PIAS2: variants seen among roughly 807,000 people sequenced by gnomAD.
PIAS2 encodes protein inhibitor of activated STAT 2.
Under a neutral mutation model 69.7 loss-of-function variants are expected in PIAS2, and 19 were observed. The ratio of observed to expected loss-of-function variants is 0.27; its 90% CI spans 0.19 to 0.40. The LOEUF is 0.40. Among genes scored for constraint, PIAS2 ranks in the 10% least tolerant of loss-of-function variants. PIAS2 has a pLI of 1.00. For missense variants in PIAS2, 624 were observed against 757.0 expected, an observed-to-expected ratio of 0.82 and a Z score of 2.06; for synonymous variants, 261 against 263.2, an observed-to-expected ratio of 0.99 and a Z score of 0.08.
intron 2 of PIAS2, among the ~76,000 whole-genome samples, chr18:46,882,583 A>G (rs992851232): frequency 2.6e-5 from 4 of 152,240 alleles, no homozygotes; most frequent in African/African-American, 9.6e-5. Flanking sequence ...AAAGTTGTTC[A>G]TAGCTGCAAT....
chr18:46,893,759 TGG>T (rs1001628522), intron 1 of PIAS2, among the ~76,000 whole-genome samples: 1 of 152,180 alleles, frequency 6.6e-6, no homozygotes, highest in African/African-American at 2.4e-5. Context: ...ACCAAGACTT[TGG>T]ACCCTGGGAA....
At chr18:46,884,642 G>T (rs1445254514) in intron 2 of PIAS2, among the ~76,000 whole-genome samples, 1 of 152,002 alleles carries the variant, frequency 6.6e-6, no homozygotes, top group East Asian at 2.0e-4. Flanking sequence ...CTTGCCAGGT[G>T]CCGTGGCTCA....
chr18:46,812,128 T>TGATTTGTAGAC lies in PIAS2; in HGVS notation c.*304_*305insGTCTACAAATC, dbSNP rs1491334330. 1 of 196,484 alleles carries TGATTTGTAGAC rather than the reference T, an allele frequency of 5.1e-6. No individual in the cohort carries two copies. Among genetic ancestry groups the TGATTTGTAGAC allele is most frequent in the Non-Finnish European group, 1.0e-5 (1 of 97,556 alleles). 12.2% of individuals were successfully genotyped at this position (196,484 alleles called of 1,614,324 possible). A position where few individuals can be genotyped will look rare whatever the true frequency, so the allele number is the denominator to read the frequency against. Reference sequence around the variant, plus strand: ...TATTGCTCTTTATTTTAACAAAAACTTTTTTCACTGATTTGTAGACTCCAT... The same window carrying TGATTTGTAGAC: ...TATTGCTCTTTATTTTAACAAAAACTGATTTGTAGACTTTTTCACTGATTTGTAGACTCCAT... On this transcript the variant is annotated 3_prime_UTR_variant, in exon 14 of 14. Coordinates refer to ENST00000585916, the MANE Select transcript of PIAS2 (RefSeq NM_004671.5).
Position 46,872,169 on chromosome 18 carries a change from G to T in PIAS2, c.500-7921C>A, listed in dbSNP as rs74741090. On this transcript the variant is annotated intron_variant, in intron 2 of 13. Transcript: ENST00000585916. ...TATAGCCTGTAAAGAAATTAGACGG[G>T]TCATGCTGACTAGTGCAAGGCCCCA... 1.1e-4 allele frequency among the ~76,000 whole-genome samples: 17 copies of T among 152,220 alleles called. No homozygotes were observed. The East Asian group carries it at 3.3e-3, about 29-fold the overall frequency.
intron 5 of PIAS2, among the ~76,000 whole-genome samples, chr18:46,851,772 C>T (rs1433872747): frequency 1.3e-5 from 2 of 152,212 alleles, no homozygotes; most frequent in South Asian, 4.1e-4. Flanking sequence ...TACCATTTCC[C>T]ATTCCTATGT....
chr18:46,829,588 AT>A, intron 10 of PIAS2, 145 bp downstream of exon 10: 1 of 681,184 alleles, frequency 1.5e-6, no homozygotes, highest in Admixed American at 2.6e-5. Context: ...TCAGGAAAGA[AT>A]AAAAATCATT....
chr18:46,855,270 G>C, intron 5 of PIAS2, 75 bp downstream of exon 5: 1 of 880,838 alleles, frequency 1.1e-6, no homozygotes, highest in Non-Finnish European at 1.8e-6. Flanking sequence ...AGCTGTCACT[G>C]TTGCACTGTT....
rs1271953888 is a variant in PIAS2 at position 46,810,165 on chromosome 18, A to G, written c.*2268T>C. 1 of 150,446 alleles carries G rather than the reference A, an allele frequency of 6.6e-6. No homozygotes were observed. Among genetic ancestry groups the G allele is most frequent in the Non-Finnish European group, 1.5e-5 (1 of 67,726 alleles). 9.3% of individuals were successfully genotyped at this position (150,446 alleles called of 1,614,324 possible). A position where few individuals can be genotyped will look rare whatever the true frequency, so the allele number is the denominator to read the frequency against. On this transcript the variant is annotated 3_prime_UTR_variant, in exon 14 of 14. Transcript: ENST00000585916. ...TCAGTGTAAAACACCAAAACCGAAC[A>G]TTAAAACTGTTCACAGAAAATAGAA...
chr18:46,915,535 A>G (rs1415555161), intron 1 of PIAS2: 1 of 152,202 alleles, frequency 6.6e-6, no homozygotes, highest in Admixed American at 6.5e-5. Flanking sequence ...TAAAAATGCA[A>G]GAAGTAAAGA....
At chr18:46,840,833 AC>A (rs1353435021) in intron 8 of PIAS2, among the ~76,000 whole-genome samples, 2 of 152,198 alleles carry the variant, frequency 1.3e-5, no homozygotes, top group Non-Finnish European at 2.9e-5. Context: ...AAGTAATGCA[AC>A]ACTTTTTTCC....
intron 8 of PIAS2, among the ~76,000 whole-genome samples, chr18:46,840,535 T>C (rs1032954549): frequency 8.5e-5 from 13 of 152,190 alleles, no homozygotes; most frequent in African/African-American, 2.9e-4. Context: ...GCTGTTTCCA[T>C]CTCTCCTGTC....
chr18:46,854,725 T>A (rs1429752322), intron 5 of PIAS2, among the ~76,000 whole-genome samples: 2 of 152,166 alleles, frequency 1.3e-5, no homozygotes, highest in Non-Finnish European at 2.9e-5. Context: ...CAACCAACTA[T>A]TATTGCACCC....
At chr18:46,912,158 T>C (rs1364689346) in intron 1 of PIAS2, among the ~76,000 whole-genome samples, 1 of 152,160 alleles carries the variant, frequency 6.6e-6, no homozygotes, top group Non-Finnish European at 1.5e-5. Flanking sequence ...TGTTATATCT[T>C]TTTCTGAAAG....
intron 2 of PIAS2, among the ~76,000 whole-genome samples, chr18:46,881,058 C>G (rs1054100217): frequency 2.0e-4 from 31 of 152,152 alleles, no homozygotes; most frequent in African/African-American, 7.2e-4. Flanking sequence ...TGCTTCCTCT[C>G]CATTTTCACT....
chr18:46,888,053 A>G (rs2053485862), intron 2 of PIAS2, among the ~76,000 whole-genome samples: 1 of 152,336 alleles, frequency 6.6e-6, no homozygotes, highest in Admixed American at 6.5e-5. Context: ...AATCAATTGC[A>G]TTTTTATAAA....
At chr18:46,919,304 T>C (rs552432099), upstream of PIAS2, among the ~76,000 whole-genome samples, 10 of 151,966 alleles carry the variant, frequency 6.6e-5, no homozygotes, top group South Asian at 1.7e-3. Flanking sequence ...CTGACCAACA[T>C]GGAGAAACCC....
chr18:46,863,224 T>C (rs2048937498), intron 3 of PIAS2, among the ~76,000 whole-genome samples: 1 of 152,204 alleles, frequency 6.6e-6, no homozygotes, highest in African/African-American at 2.4e-5. Flanking sequence ...TTATTAGTAA[T>C]GTTTACTTTC....
intron 11 of PIAS2, among the ~76,000 whole-genome samples, chr18:46,826,031 T>A (rs764002551): frequency 9.2e-5 from 14 of 152,220 alleles, no homozygotes; most frequent in Non-Finnish European, 1.6e-4. Flanking sequence ...TGTATTAATG[T>A]GTATGTATGT....
At chr18:46,829,929 AAAGT>A in intron 9 of PIAS2, 62 bp from the exon 10 acceptor site, 1 of 1,429,332 alleles carries the variant, frequency 7.0e-7, no homozygotes, top group Non-Finnish European at 9.6e-7. Context: ...GTGAAATAAG[AAAGT>A]AATACACATT....
Sources: gnomAD v4.1 joint callset for allele counts (sites outside exome capture counted in the v4.1 genomes callset) on GRCh38, gnomAD v4.1.1 for gene constraint, MANE v1.5 for transcripts, NCBI Gene and HGNC (gene_info 2026-07-23, HGNC 2026-07-21) for gene names.